Variants in COA1 observed in about 807,000 individuals in gnomAD.
The protein encoded by COA1 is cytochrome c oxidase assembly factor 1, also known as cytochrome c oxidase assembly factor 1 homolog.
A neutral mutation model predicts 16.0 loss-of-function variants in COA1; 13 were observed. That is an observed-to-expected ratio of 0.81 (90% CI 0.53 to 1.29). The LOEUF (loss-of-function observed/expected upper bound fraction) is 1.29. Ranked by LOEUF, COA1 falls within the 50% of genes most tolerant of loss-of-function variation. COA1 has a pLI of 0.00. For missense variants in COA1, 179 were observed against 177.0 expected, an observed-to-expected ratio of 1.01 and a Z score of -0.06; for synonymous variants, 65 against 65.7, an observed-to-expected ratio of 0.99 and a Z score of 0.05.
chr7:43,679,483 T>C (rs2093674496), intron 1 of COA1, among the ~76,000 whole-genome samples: 1 of 152,106 alleles, frequency 6.6e-6, no homozygotes, highest in South Asian at 2.1e-4. Flanking sequence ...ACAAGGGCCA[T>C]CTAATCTGAG....
intron 6 of COA1, among the ~76,000 whole-genome samples, chr7:43,626,956 A>T (rs531554009): frequency 6.6e-5 from 10 of 152,182 alleles, no homozygotes; most frequent in Non-Finnish European, 1.5e-4. Flanking sequence ...ATAAGATAAA[A>T]ACAGGGCATG....
intron 6 of COA1, among the ~76,000 whole-genome samples, chr7:43,628,784 T>C (rs1355336501): frequency 6.6e-6 from 1 of 152,250 alleles, no homozygotes; most frequent in Non-Finnish European, 1.5e-5. Context: ...ATTGTCAGAT[T>C]TATGTGTCAC....
rs556008461 is a variant in COA1 at position 43,674,913 on chromosome 7, T to C, written c.-38-26261A>G. On this transcript the variant is annotated intron_variant, in intron 1 of 5. Transcript: ENST00000223336. Reference sequence around the variant, plus strand: ...GGTAAAGTTGATAGACGTGCTTGGCTGAAGGTAATTTTAAAGGTTAAAAGT... The same window carrying C: ...GGTAAAGTTGATAGACGTGCTTGGCCGAAGGTAATTTTAAAGGTTAAAAGT... Among the ~76,000 whole-genome samples, 2 of 152,248 alleles carry C rather than the reference T, an allele frequency of 1.3e-5. 1 individual carries two copies. Among genetic ancestry groups the C allele is most frequent in the South Asian group, 4.1e-4 (2 of 4,830 alleles).
chr7:43,619,058 T>C (rs1220692663), intron 6 of COA1, among the ~76,000 whole-genome samples: 4 of 152,120 alleles, frequency 2.6e-5, no homozygotes, highest in African/African-American at 9.7e-5. Context: ...GGGGAGGAAT[T>C]TCAACAATAC....
chr7:43,637,310 C>G (rs1039333671), downstream of COA1, among the ~76,000 whole-genome samples: 1 of 152,196 alleles, frequency 6.6e-6, no homozygotes, highest in Non-Finnish European at 1.5e-5. Context: ...GGTGGAGGCC[C>G]TGCAGCCTCT....
intron 1 of COA1, among the ~76,000 whole-genome samples, chr7:43,691,313 GA>G (rs1309580635): frequency 1.0e-5 from 1 of 99,694 alleles, no homozygotes; most frequent in Admixed American, 1.1e-4. Context: ...AAGAAAGAAA[GA>G]AAGAAAGAAA....
At position 43,639,549 on chromosome 7, in the gene COA1, G is replaced by T; in HGVS notation, c.*33C>A. 1.3e-6 allele frequency: 2 copies of T among 1,557,514 alleles called. No homozygotes were observed. The highest frequency in any genetic ancestry group is 2.2e-5 in the South Asian group (2 of 89,920). On this transcript the variant is annotated 3_prime_UTR_variant, in exon 6 of 6. Transcript: ENST00000223336. ...ATATGGTAGAGATGAGGGAAGGATG[G>T]ACTAGAAGCAAGCTGGGTCTTCTGG...
chr7:43,699,971 T>C (rs1014930260), intron 1 of COA1, among the ~76,000 whole-genome samples: 2 of 152,114 alleles, frequency 1.3e-5, no homozygotes, highest in African/African-American at 4.8e-5. Context: ...CATCGCTTTG[T>C]AAGCACTCTA....
intron 2 of COA1, 103 bp from the exon 3 acceptor site, chr7:43,647,737 G>T: frequency 1.2e-6 from 1 of 850,276 alleles, no homozygotes. Context: ...AAGGAAGCCA[G>T]AAAGGAGGCC....
At chr7:43,683,933 G>A (rs1451936084) in intron 1 of COA1, among the ~76,000 whole-genome samples, 1 of 152,152 alleles carries the variant, frequency 6.6e-6, no homozygotes, top group Non-Finnish European at 1.5e-5. Flanking sequence ...CAAAGGTAAG[G>A]AACAATGTTT....
chr7:43,638,510 A>G (rs968808003), downstream of COA1, among the ~76,000 whole-genome samples: 2 of 151,696 alleles, frequency 1.3e-5, no homozygotes, highest in African/African-American at 2.4e-5. Context: ...AAGCAGATGG[A>G]TAAGAACCTA....
chr7:43,615,995 T>TA (rs2152994608), intron 6 of COA1, among the ~76,000 whole-genome samples: 1 of 152,300 alleles, frequency 6.6e-6, no homozygotes, highest in East Asian at 1.9e-4. Context: ...CCATAGTGCT[T>TA]AAAGCGACCT....
At chr7:43,719,356 T>TA (rs2095460247) in intron 1 of COA1, among the ~76,000 whole-genome samples, 1 of 152,168 alleles carries the variant, frequency 6.6e-6, no homozygotes, top group Non-Finnish European at 1.5e-5. Flanking sequence ...GCACAACTAT[T>TA]ACTTATTAGG....
intron 1 of COA1, among the ~76,000 whole-genome samples, chr7:43,717,511 T>C (rs1046593433): frequency 5.9e-5 from 9 of 152,228 alleles, no homozygotes; most frequent in African/African-American, 2.2e-4. Context: ...CCATTCTATC[T>C]AGGGAGTAAT....
chr7:43,690,151 G>A (rs2094208013), intron 1 of COA1, among the ~76,000 whole-genome samples: 2 of 152,126 alleles, frequency 1.3e-5, no homozygotes, highest in Non-Finnish European at 1.5e-5. Context: ...TACACTGTTG[G>A]TGGGAATGTA....
chr7:43,623,729 A>C, intron 6 of COA1: 1 of 1,607,338 alleles, frequency 6.2e-7, no homozygotes, highest in Non-Finnish European at 8.5e-7. Flanking sequence ...GTGTTAACAT[A>C]TGTCATGCTT....
chr7:43,722,900 G>A (rs2095539722), intron 1 of COA1, among the ~76,000 whole-genome samples: 1 of 152,152 alleles, frequency 6.6e-6, no homozygotes, highest in Non-Finnish European at 1.5e-5. Context: ...AATGCCAAAT[G>A]TCTTAAGGCA....
chr7:43,614,068 ATTG>A (rs915907541), intron 6 of COA1, among the ~76,000 whole-genome samples: 2 of 152,088 alleles, frequency 1.3e-5, no homozygotes, highest in African/African-American at 4.8e-5. Context: ...TAGAACTTTA[ATTG>A]TCTGATAAAA....
At chr7:43,654,582 A>G (rs373434375) in intron 1 of COA1, among the ~76,000 whole-genome samples, 3 of 111,350 alleles carry the variant, frequency 2.7e-5, no homozygotes, top group African/African-American at 7.9e-5. Flanking sequence ...GAAGTTATTG[A>G]AAAAAAAATC....
Sources: allele counts gnomAD v4.1 joint callset (sites outside exome capture counted in the v4.1 genomes callset), GRCh38; gene constraint gnomAD v4.1.1; transcripts MANE v1.5; gene names NCBI Gene and HGNC (gene_info 2026-07-23, HGNC 2026-07-21).